RREB1: variants seen among roughly 807,000 people sequenced by gnomAD.
RREB1 encodes the protein ras-responsive element-binding protein 1.
Under a neutral mutation model 117.8 loss-of-function variants are expected in RREB1, and 27 were observed. The ratio of observed to expected loss-of-function variants is 0.23; its 90% CI spans 0.17 to 0.32. The LOEUF is 0.32. RREB1 is among the 10% of genes least tolerant of loss of function. The probability of loss-of-function intolerance (pLI) is 1.00; values close to 1 mark genes in which losing one functional copy is unlikely to be tolerated. For synonymous variants in RREB1, 1,298 were observed against 1,026.7 expected, an observed-to-expected ratio of 1.26 and a Z score of -5.05; for missense variants, 2,577 against 2,378.2, an observed-to-expected ratio of 1.08 and a Z score of -1.74.
At position 7,194,624 on chromosome 6, in the gene RREB1, G is replaced by C. The variant is rs1486049172; in HGVS notation, c.425+5302G>C. Among the ~76,000 whole-genome samples the C allele has an allele frequency of 2.0e-5, 3 of 152,204 alleles. No individual in the cohort carries two copies. The East Asian group carries it at 5.8e-4, about 29-fold the overall frequency. ...TTATTTTGAGGCACCTTGAATCAGA[G>C]GAGAGGACTAAATTGGGGCTAAGTT... is the stretch of plus-strand genomic sequence containing the variant. On this transcript the variant is annotated intron_variant, in intron 6 of 12. Transcript: ENST00000379938.
Position 7,240,473 on chromosome 6 carries a change from T to C in RREB1, c.3844T>C (p.Phe1282Leu), listed in dbSNP as rs1768636423. The change falls in exon 11 of 13, where the codon TTC becomes CTC. Residue 1282 changes from phenylalanine to leucine, a missense_variant. Phe to Leu is a conservative substitution (Grantham distance 22). Coordinates refer to ENST00000379938, the MANE Select transcript of RREB1 (RefSeq NM_001003699.4). Reference protein sequence around the residue: ...KPFPCQKCDAFFSTKSNCERH... With the variant: ...KPFPCQKCDALFSTKSNCERH... ...CTTCCCTTGTCAAAAATGCGATGCCTTCTTTTCTACCAAATCTAACTGTGA... is the reference window on the plus strand; with the variant it reads ...CTTCCCTTGTCAAAAATGCGATGCCCTCTTTTCTACCAAATCTAACTGTGA... 1 of 1,613,820 alleles carries C rather than the reference T, an allele frequency of 6.2e-7. No homozygotes were observed. The highest frequency in any genetic ancestry group is 8.5e-7 in the Non-Finnish European group (1 of 1,179,928).
At chr6:7,159,024 T>A (rs1057307175) in intron 1 of RREB1, among the ~76,000 whole-genome samples, 2 of 152,232 alleles carry the variant, frequency 1.3e-5, no homozygotes, top group Non-Finnish European at 2.9e-5. Context: ...GTTGTGACTT[T>A]TGAATTTTAT....
At position 7,246,880 on chromosome 6, in the gene RREB1, A is replaced by G; in HGVS notation, c.4430A>G (p.Asp1477Gly). 4 of 1,552,598 alleles carry G rather than the reference A, an allele frequency of 2.6e-6. No individual in the cohort carries two copies. The highest frequency in any genetic ancestry group is 3.5e-6 in the Non-Finnish European group (4 of 1,148,420). Residue 1477 changes from aspartate (D) to glycine (G), a missense_variant, in exon 12 of 13, where the codon GAC (aspartate) becomes GGC (glycine). By Grantham distance (94) the Asp-to-Gly change is moderately conservative. Coordinates refer to ENST00000379938, the MANE Select transcript of RREB1 (RefSeq NM_001003699.4). ...GCGCACGGCCGCCAGGAGCCCAAGG[A>G]CGAGAAGGGAGATGGCGCCAGCACT... Reference protein sequence around the residue: ...RKAHGRQEPKDEKGDGASTAE... With the variant: ...RKAHGRQEPKGEKGDGASTAE...
intron 1 of RREB1, among the ~76,000 whole-genome samples, chr6:7,130,596 A>G (rs1483814371): frequency 1.4e-5 from 2 of 145,214 alleles, no homozygotes; most frequent in Non-Finnish European, 3.0e-5. Flanking sequence ...TACCCTCCCC[A>G]TTTACTTTTG....
intron 8 of RREB1, among the ~76,000 whole-genome samples, chr6:7,222,477 C>G (rs143075977): frequency 0.01 from 1,577 of 152,326 alleles, 8 homozygotes; most frequent in Middle Eastern, 0.031. Context: ...CTACCACCCA[C>G]TGTTCCACAG....
At chr6:7,161,287 C>G (rs1244119418) in intron 1 of RREB1, among the ~76,000 whole-genome samples, 3 of 152,100 alleles carry the variant, frequency 2.0e-5, no homozygotes, top group Non-Finnish European at 1.5e-5. Context: ...AACTGAAACT[C>G]TAGTCAACAC....
At chr6:7,159,427 T>A (rs1763541719) in intron 1 of RREB1, among the ~76,000 whole-genome samples, 1 of 152,226 alleles carries the variant, frequency 6.6e-6, no homozygotes, top group Admixed American at 6.5e-5. Context: ...GCCGCATAGA[T>A]GGGGCTCACA....
At position 7,246,735 on chromosome 6, in the gene RREB1, C is replaced by A. The variant is rs371699626; in HGVS notation, c.4285C>A (p.Leu1429Met). The part of the protein sequence containing the change: ...DFATKLMDFK[L>M]AEGDGEAGAG... Reference sequence around the variant, plus strand: ...CGCCACCAAGCTCATGGACTTCAAGCTGGCGGAGGGCGACGGCGAGGCAGG... The same window carrying A: ...CGCCACCAAGCTCATGGACTTCAAGATGGCGGAGGGCGACGGCGAGGCAGG... Residue 1429 changes from leucine to methionine, a missense_variant, in exon 12 of 13, where the codon CTG (leucine) becomes ATG (methionine). Transcript: ENST00000379938. The A allele has an allele frequency of 8.2e-6, 13 of 1,578,536 alleles. No individual in the cohort carries two copies. In the African/African-American group the frequency reaches 1.8e-4, roughly 21 times the overall value.
chr6:7,208,852 G>A (rs1398858978), intron 6 of RREB1, among the ~76,000 whole-genome samples: 3 of 152,212 alleles, frequency 2.0e-5, no homozygotes, highest in Non-Finnish European at 4.4e-5. Context: ...ATTCCAGCTG[G>A]TGATCCAGAA....
At position 7,229,589 on chromosome 6, in the gene RREB1, T is replaced by G. The variant is rs772095188; in HGVS notation, c.1490T>G (p.Leu497Arg). 1 of 1,611,960 alleles carries G rather than the reference T, an allele frequency of 6.2e-7. No homozygotes were observed. The highest frequency in any genetic ancestry group is 1.1e-5 in the South Asian group (1 of 90,850). The change falls in exon 10 of 13, where the codon CTG becomes CGG. Residue 497 changes from leucine (L) to arginine (R), a missense_variant. Leu to Arg is a moderately radical substitution (Grantham distance 102). Coordinates refer to ENST00000379938, the MANE Select transcript of RREB1 (RefSeq NM_001003699.4). The surrounding 1 kb of genome is among the most constrained non-coding windows in gnomAD (Gnocchi z 4.5). ...TTCTCCAAGGCCCCTGCCGCCCCAC[T>G]GCAGGCGATCTTCAAGCACATGCCC... ...PPFSKAPAAPLQAIFKHMPPL... is the reference protein window; with the variant it reads ...PPFSKAPAAPRQAIFKHMPPL...
At chr6:7,200,614 A>G (rs1765916964) in intron 6 of RREB1, among the ~76,000 whole-genome samples, 1 of 152,176 alleles carries the variant, frequency 6.6e-6, no homozygotes, top group Non-Finnish European at 1.5e-5. Flanking sequence ...CTTGTGGCCG[A>G]TGCTTACTTT....
chr6:7,185,968 A>T (rs566054649), intron 4 of RREB1, among the ~76,000 whole-genome samples: 1 of 152,200 alleles, frequency 6.6e-6, no homozygotes, highest in African/African-American at 2.4e-5. Context: ...ATGCTTGTCT[A>T]TTAGTGGTTG....
intron 1 of RREB1, among the ~76,000 whole-genome samples, chr6:7,124,634 C>T (rs1465412510): frequency 6.6e-6 from 1 of 152,116 alleles, no homozygotes; most frequent in Non-Finnish European, 1.5e-5. Flanking sequence ...TAGTTTTCAC[C>T]CTTTGTTGGT....
intron 1 of RREB1, among the ~76,000 whole-genome samples, chr6:7,165,485 G>T (rs1319380482): frequency 6.6e-6 from 1 of 152,142 alleles, no homozygotes; most frequent in Non-Finnish European, 1.5e-5. Context: ...AGCAGGACTT[G>T]GTTTCAAAAG....
At chr6:7,179,999 A>C (rs1252913640) in intron 2 of RREB1, among the ~76,000 whole-genome samples, 2 of 152,036 alleles carry the variant, frequency 1.3e-5, no homozygotes, top group Non-Finnish European at 2.9e-5. Context: ...GCATGGGGAA[A>C]TGTCATGGAA....
At chr6:7,131,686 C>T (rs1041845144) in intron 1 of RREB1, among the ~76,000 whole-genome samples, 1 of 152,104 alleles carries the variant, frequency 6.6e-6, no homozygotes, top group Non-Finnish European at 1.5e-5. Flanking sequence ...GCTTCTCGAA[C>T]TCCTGGCCTC....
At chr6:7,122,563 G>GC (rs1175393057) in intron 1 of RREB1, among the ~76,000 whole-genome samples, 1 of 152,202 alleles carries the variant, frequency 6.6e-6, no homozygotes, top group Non-Finnish European at 1.5e-5. Flanking sequence ...ACCGCGCCTG[G>GC]CCCAGCCCTG....
chr6:7,229,070 C>T lies in RREB1; in HGVS notation c.971C>T (p.Ala324Val), dbSNP rs756205550. ...HRFVCDTCDKAFPMLCSLALH... is the reference protein window; with the variant it reads ...HRFVCDTCDKVFPMLCSLALH... Reference sequence around the variant, plus strand: ...TTTGTCTGCGACACCTGTGACAAGGCGTTCCCCATGCTCTGCTCACTGGCT... The same window carrying T: ...TTTGTCTGCGACACCTGTGACAAGGTGTTCCCCATGCTCTGCTCACTGGCT... Residue 324 changes from alanine to valine, a missense_variant, in exon 10 of 13, where the codon GCG becomes GTG. Ala to Val is a moderately conservative substitution (Grantham distance 64, BLOSUM62 0). Coordinates refer to ENST00000379938, the MANE Select transcript of RREB1 (RefSeq NM_001003699.4). This position sits in a 1 kb window ranked among gnomAD's most constrained non-coding sequence, Gnocchi z 4.5. 19 of 1,572,086 alleles carry T rather than the reference C, an allele frequency of 1.2e-5. No homozygotes were observed. The highest frequency in any genetic ancestry group is 1.4e-5 in the African/African-American group (1 of 73,376).
intron 4 of RREB1, among the ~76,000 whole-genome samples, 178 bp downstream of exon 4, chr6:7,182,260 A>G (rs1764848079): frequency 6.6e-6 from 1 of 152,146 alleles, no homozygotes; most frequent in African/African-American, 2.4e-5. Flanking sequence ...GTTTCCTTTC[A>G]TGGAGAAGGT....
Sources: gnomAD v4.1 joint callset for allele counts (sites outside exome capture counted in the v4.1 genomes callset) on GRCh38, gnomAD v4.1.1 for gene constraint, Gnocchi (gnomAD v3.1) non-coding constraint, MANE v1.5 for transcripts, NCBI Gene and HGNC (gene_info 2026-07-23, HGNC 2026-07-21) for gene names.